Variants in IGF2BP2 observed in about 807,000 individuals in gnomAD.
IGF2BP2 encodes the protein insulin like growth factor 2 mRNA binding protein 2.
In IGF2BP2, 17 loss-of-function variants were observed where a neutral mutation model predicts 75.8. The observed-to-expected ratio is 0.22, with a 90% CI of 0.15 to 0.34. IGF2BP2 has a LOEUF of 0.34. Among genes scored for constraint, IGF2BP2 ranks in the 10% least tolerant of loss-of-function variants. The pLI is 1.00. For missense variants in IGF2BP2, 516 were observed against 772.4 expected (o/e 0.67, Z 3.93); for synonymous variants, 288 against 295.6 (o/e 0.97, Z 0.26).
chr3:185,808,578 G>T (rs551323920), intron 2 of IGF2BP2, among the ~76,000 whole-genome samples: 14 of 150,136 alleles, frequency 9.3e-5, no homozygotes, highest in Admixed American at 9.3e-4. Flanking sequence ...CTGAGACAGG[G>T]TCTCTCTCTC....
chr3:185,695,975 T>C (rs199795793), intron 4 of IGF2BP2, among the ~76,000 whole-genome samples: 1 of 152,132 alleles, frequency 6.6e-6, no homozygotes, highest in East Asian at 1.9e-4. Context: ...TTAGTAGAGA[T>C]GGGGTTTTGC....
chr3:185,806,164 A>G (rs1179290092), intron 2 of IGF2BP2, among the ~76,000 whole-genome samples: 1 of 152,136 alleles, frequency 6.6e-6, no homozygotes, highest in African/African-American at 2.4e-5. Flanking sequence ...AGTTCTCTCT[A>G]AACTCCCTGA....
intron 2 of IGF2BP2, among the ~76,000 whole-genome samples, chr3:185,821,459 C>T (rs568689588): frequency 6.8e-4 from 104 of 152,208 alleles, no homozygotes; most frequent in African/African-American, 2.3e-3. Context: ...AAATGACACT[C>T]CGGCTAACAG....
chr3:185,782,060 A>G (rs1414692979), intron 2 of IGF2BP2, among the ~76,000 whole-genome samples: 1 of 152,216 alleles, frequency 6.6e-6, no homozygotes, highest in Non-Finnish European at 1.5e-5. Flanking sequence ...ATAACCATTT[A>G]AAACATATGT....
intron 2 of IGF2BP2, among the ~76,000 whole-genome samples, chr3:185,699,254 G>A (rs919090120): frequency 2.0e-5 from 3 of 152,062 alleles, no homozygotes; most frequent in Non-Finnish European, 2.9e-5. Flanking sequence ...TCCTACCAAA[G>A]TAGTTAGAAT....
At chr3:185,792,131 C>T (rs1209792966) in intron 2 of IGF2BP2, among the ~76,000 whole-genome samples, 3 of 152,178 alleles carry the variant, frequency 2.0e-5, no homozygotes, top group African/African-American at 7.2e-5. Flanking sequence ...CTGCTACCAT[C>T]GGCTTGAATA....
intron 2 of IGF2BP2, among the ~76,000 whole-genome samples, chr3:185,708,552 C>T (rs995161385): frequency 2.0e-5 from 3 of 151,964 alleles, no homozygotes; most frequent in African/African-American, 4.8e-5. Context: ...ATGAATTAGC[C>T]GACTTCTGGT....
chr3:185,824,675 G>GCGCGGGAGCCGC, intron 1 of IGF2BP2, 108 bp downstream of exon 1: 1 of 771,552 alleles, frequency 1.3e-6, no homozygotes, highest in Middle Eastern at 4.8e-4. Context: ...GAGCGTGCGG[G>GCGCGGGAGCCGC]CGCGGGAGCC....
chr3:185,715,505 T>C (rs952331102), intron 2 of IGF2BP2, among the ~76,000 whole-genome samples: 1 of 152,240 alleles, frequency 6.6e-6, no homozygotes, highest in Non-Finnish European at 1.5e-5. Context: ...TTTCTTCTTA[T>C]TGACTTTTCA....
At chr3:185,787,731 T>G (rs1190419933) in intron 2 of IGF2BP2, among the ~76,000 whole-genome samples, 2 of 118,754 alleles carry the variant, frequency 1.7e-5, no homozygotes, top group South Asian at 2.8e-4. Context: ...AGACTCTGTC[T>G]CAAAAAAAAA....
intron 2 of IGF2BP2, among the ~76,000 whole-genome samples, chr3:185,747,804 C>T (rs114063203): frequency 5.3e-5 from 7 of 131,872 alleles, no homozygotes; most frequent in African/African-American, 1.9e-4. Context: ...CTTCCTATCA[C>T]GATTTTATAT....
chr3:185,791,359 G>A (rs1736621009), intron 2 of IGF2BP2, among the ~76,000 whole-genome samples: 2 of 152,262 alleles, frequency 1.3e-5, no homozygotes, highest in Non-Finnish European at 1.5e-5. Context: ...GGAGGCTGAG[G>A]CACGAGGACT....
chr3:185,789,710 G>T (rs1578310643), intron 2 of IGF2BP2, among the ~76,000 whole-genome samples: 2 of 141,892 alleles, frequency 1.4e-5, no homozygotes, highest in Non-Finnish European at 1.5e-5. Flanking sequence ...GTGAGTTTCT[G>T]TTACTAACAA....
chr3:185,691,662 G>T (rs996171513), intron 5 of IGF2BP2, among the ~76,000 whole-genome samples: 12 of 152,024 alleles, frequency 7.9e-5, no homozygotes, highest in African/African-American at 2.7e-4. Flanking sequence ...GCCCAGGCTG[G>T]TCTCAAACTC....
At chr3:185,786,499 T>C (rs1735906392) in intron 2 of IGF2BP2, among the ~76,000 whole-genome samples, 1 of 152,046 alleles carries the variant, frequency 6.6e-6, no homozygotes, top group Non-Finnish European at 1.5e-5. Context: ...TTAAATTCCT[T>C]CTCCTGGCTC....
At chr3:185,686,277 G>A (rs1174057575) in intron 7 of IGF2BP2, among the ~76,000 whole-genome samples, 5 of 151,996 alleles carry the variant, frequency 3.3e-5, no homozygotes, top group African/African-American at 4.8e-5. Context: ...CCAGCTATTC[G>A]GGAGGCTGAG....
Position 185,783,564 on chromosome 3 carries a change from T to C in IGF2BP2, c.239+39589A>G, listed in dbSNP as rs147347021. ...TGGTCACCAGCCAAAGGTCATTGCC[T>C]CTGTACCTCATTGTCTTTATCACCT... On this transcript the variant is annotated intron_variant, in intron 2 of 15. Coordinates refer to ENST00000382199, the MANE Select transcript of IGF2BP2 (RefSeq NM_006548.6). 3.5e-3 allele frequency among the ~76,000 whole-genome samples: 526 copies of C among 152,346 alleles called. 5 individuals are homozygous for C. The highest frequency in any genetic ancestry group is 0.012 in the African/African-American group (479 of 41,586).
At chr3:185,744,463 T>G (rs1729975292) in intron 2 of IGF2BP2, among the ~76,000 whole-genome samples, 1 of 152,192 alleles carries the variant, frequency 6.6e-6, no homozygotes, top group African/African-American at 2.4e-5. Context: ...CATAATCCCA[T>G]CAGAGGAAAC....
At chr3:185,737,312 C>A (rs1402833829) in intron 2 of IGF2BP2, among the ~76,000 whole-genome samples, 1 of 152,160 alleles carries the variant, frequency 6.6e-6, no homozygotes, top group Non-Finnish European at 1.5e-5. Flanking sequence ...CCTTAATAAA[C>A]ATTCTAGGTG....
Sources: allele counts gnomAD v4.1 joint callset (sites outside exome capture counted in the v4.1 genomes callset), GRCh38; gene constraint gnomAD v4.1.1; transcripts MANE v1.5; gene names NCBI Gene and HGNC (gene_info 2026-07-23, HGNC 2026-07-21).